Variants in TRAPPC9 observed in about 807,000 individuals in gnomAD.
TRAPPC9 encodes the protein trafficking protein particle complex subunit 9, also known as IKK2 binding protein.
TRAPPC9 carries 83 observed loss-of-function variants against 124.0 expected under a neutral mutation model. The observed-to-expected ratio is 0.67, with a 90% CI of 0.56 to 0.80. The LOEUF is 0.80. Among genes scored for constraint, TRAPPC9 ranks in the 30% least tolerant of loss-of-function variants. TRAPPC9 has a pLI of 0.00. For synonymous variants in TRAPPC9, 638 were observed against 617.5 expected (o/e 1.03, Z -0.49); for missense variants, 1,302 against 1,508.3 (o/e 0.86, Z 2.27).
intron 21 of TRAPPC9, among the ~76,000 whole-genome samples, chr8:139,785,549 C>A (rs1822168757): frequency 7.2e-6 from 1 of 138,510 alleles, no homozygotes; most frequent in Non-Finnish European, 1.5e-5. Context: ...CACACACACA[C>A]ACACACACAC....
intron 21 of TRAPPC9, among the ~76,000 whole-genome samples, chr8:139,763,527 A>AGG: frequency 6.6e-6 from 1 of 151,586 alleles, no homozygotes; most frequent in African/African-American, 2.4e-5. Context: ...GCCAGGTTCT[A>AGG]CAAACAAAAC....
intron 17 of TRAPPC9, among the ~76,000 whole-genome samples, chr8:140,119,032 T>A (rs1358044796): frequency 6.6e-6 from 1 of 152,152 alleles, no homozygotes; most frequent in Non-Finnish European, 1.5e-5. Context: ...CCAAATGCAG[T>A]CTAATGTCAG....
chr8:139,854,777 G>A (rs1384076266), intron 21 of TRAPPC9, among the ~76,000 whole-genome samples: 1 of 152,216 alleles, frequency 6.6e-6, no homozygotes, highest in African/African-American at 2.4e-5. Flanking sequence ...CAGCATCTGA[G>A]GACTTGGCAG....
intron 19 of TRAPPC9, among the ~76,000 whole-genome samples, chr8:139,947,907 T>TATATATATATAGAGAGAG: frequency 1.7e-5 from 1 of 60,364 alleles, no homozygotes; most frequent in East Asian, 4.4e-4. Context: ...TATATATATA[T>TATATATATATAGAGAGAG]AGAGAGAGAG....
chr8:140,081,734 G>A (rs189934874), intron 17 of TRAPPC9, among the ~76,000 whole-genome samples: 57 of 152,268 alleles, frequency 3.7e-4, no homozygotes, highest in Admixed American at 7.8e-4. Flanking sequence ...ATGTCAAGTC[G>A]CACGTTCTTT....
intron 17 of TRAPPC9, among the ~76,000 whole-genome samples, chr8:140,035,390 G>A (rs1840811776): frequency 1.3e-5 from 2 of 152,182 alleles, no homozygotes; most frequent in African/African-American, 4.8e-5. Flanking sequence ...AACTCAAGAG[G>A]AGACACTAAG....
chr8:139,742,834 C>T lies in TRAPPC9; in HGVS notation c.3056-10632G>A, dbSNP rs1410264580. On this transcript the variant is annotated intron_variant, in intron 21 of 22. Transcript: ENST00000438773. This position sits in a 1 kb window ranked among gnomAD's most constrained non-coding sequence, Gnocchi z 4.7. Reference sequence around the variant, plus strand: ...GCATCTGTGGGAGAAGAACAGCCGCCACCTGTGGGCTCAGGTTCAGTGTAC... The same window carrying T: ...GCATCTGTGGGAGAAGAACAGCCGCTACCTGTGGGCTCAGGTTCAGTGTAC... 6.6e-6 allele frequency among the ~76,000 whole-genome samples: 1 copy of T among 152,192 alleles called. No homozygotes were observed. The highest frequency in any genetic ancestry group is 1.5e-5 in the Non-Finnish European group (1 of 68,038).
intron 17 of TRAPPC9, among the ~76,000 whole-genome samples, chr8:140,133,272 T>C (rs1456661080): frequency 6.6e-6 from 1 of 152,230 alleles, no homozygotes; most frequent in Admixed American, 6.5e-5. Flanking sequence ...TAAAAATCAA[T>C]GTGATGTACC....
In TRAPPC9 at chr8:140,451,032, C is replaced by T. The variant is rs755352805; in HGVS notation, c.342G>A (p.Arg114=). 1.2e-6 allele frequency: 2 copies of T among 1,613,974 alleles called. No homozygotes were observed. The highest frequency in any genetic ancestry group is 3.3e-5 in the Admixed American group (2 of 59,988). Residue 114 remains arginine (R), a synonymous_variant, in exon 2 of 23, where the codon CGG becomes CGA. Transcript: ENST00000438773. ...CCCCCTGCAGCCCGAAGACAAAGAGCCGGGAGTCATACAGTGTGGAGCCGT... is the reference window on the plus strand; with the variant it reads ...CCCCCTGCAGCCCGAAGACAAAGAGTCGGGAGTCATACAGTGTGGAGCCGT... ...EIYGSTLYDS[R]LFVFGLQGEI... is the part of the protein sequence containing the mutation.
chr8:139,838,896 G>A (rs1165129649), intron 21 of TRAPPC9, among the ~76,000 whole-genome samples: 1 of 152,152 alleles, frequency 6.6e-6, no homozygotes, highest in Non-Finnish European at 1.5e-5. Flanking sequence ...TCACCTGGAT[G>A]TTACCAGGAG....
intron 21 of TRAPPC9, among the ~76,000 whole-genome samples, chr8:139,855,480 C>A (rs777925168): frequency 1.2e-3 from 190 of 152,176 alleles, no homozygotes; most frequent in Non-Finnish European, 1.6e-3. Context: ...ACGTGGAGAC[C>A]CGAGAGGATA....
intron 17 of TRAPPC9, among the ~76,000 whole-genome samples, chr8:140,094,125 A>C (rs1182342941): frequency 1.3e-5 from 2 of 151,950 alleles, no homozygotes; most frequent in African/African-American, 4.8e-5. Context: ...CTGTGGACTG[A>C]CTCTCTCACC....
chr8:139,744,672 G>A (rs75509999), intron 21 of TRAPPC9, among the ~76,000 whole-genome samples: 3,322 of 152,276 alleles, frequency 0.022, 120 homozygotes, highest in African/African-American at 0.074. Context: ...AATGGCATGC[G>A]TTTTTAACAG....
chr8:140,057,705 A>G (rs1842369365), intron 17 of TRAPPC9, among the ~76,000 whole-genome samples: 1 of 152,230 alleles, frequency 6.6e-6, no homozygotes, highest in African/African-American at 2.4e-5. Context: ...GTTGTGTTCC[A>G]TAGGTATCAA....
Position 139,732,090 on chromosome 8 carries a change from C to T in TRAPPC9, c.3168G>A (p.Gly1056=), listed in dbSNP as rs138778665. Residue 1056 remains glycine, a synonymous_variant, in exon 22 of 23, where the codon GGG becomes GGA. Transcript: ENST00000438773. ...RLTNRSPRSV[G]PFALTVVPFQ... ...AGGGGACCACAGTGAGGGCGAAGGGCCCTACGCTGCGCGGGCTCCGGTTGG... is the reference window on the plus strand; with the variant it reads ...AGGGGACCACAGTGAGGGCGAAGGGTCCTACGCTGCGCGGGCTCCGGTTGG... 2.3e-4 allele frequency: 374 copies of T among 1,605,488 alleles called. No homozygotes were observed. The highest frequency in any genetic ancestry group is 2.9e-4 in the Non-Finnish European group (337 of 1,176,466).
intron 20 of TRAPPC9, chr8:139,908,721 G>T (rs1831519820): frequency 6.6e-6 from 1 of 152,244 alleles, no homozygotes; most frequent in African/African-American, 2.4e-5. Flanking sequence ...GGGGTGATGG[G>T]TGCACGCCCG....
At chr8:140,156,752 A>G (rs1563803707) in intron 17 of TRAPPC9, among the ~76,000 whole-genome samples, 1 of 152,260 alleles carries the variant, frequency 6.6e-6, no homozygotes, top group Non-Finnish European at 1.5e-5. Context: ...CGCCACTGAT[A>G]CAATATGAGG....
chr8:140,130,112 G>C (rs1029397416), intron 17 of TRAPPC9, among the ~76,000 whole-genome samples: 3 of 152,072 alleles, frequency 2.0e-5, no homozygotes, highest in Admixed American at 6.5e-5. Flanking sequence ...CTTGAGGGGC[G>C]CCCACTGGTC....
At chr8:140,213,085 G>GTT (rs138784892) in intron 17 of TRAPPC9, among the ~76,000 whole-genome samples, 4 of 148,714 alleles carry the variant, frequency 2.7e-5, no homozygotes, top group South Asian at 2.1e-4. Flanking sequence ...AAAAAAAAAA[G>GTT]TTTTTTTGTT....
Sources: gnomAD v4.1 joint callset for allele counts (sites outside exome capture counted in the v4.1 genomes callset) on GRCh38, gnomAD v4.1.1 for gene constraint, Gnocchi (gnomAD v3.1) non-coding constraint, MANE v1.5 for transcripts, NCBI Gene and HGNC (gene_info 2026-07-23, HGNC 2026-07-21) for gene names.